Variants in APOB observed in about 807,000 individuals in gnomAD.
The protein encoded by APOB is apolipoprotein B, also known as apolipoprotein B-100.
In APOB, 153 loss-of-function variants were observed where a neutral mutation model predicts 314.1. The ratio of observed to expected loss-of-function variants is 0.49; its 90% CI spans 0.43 to 0.56. The LOEUF is 0.56. Among genes scored for constraint, APOB ranks in the 20% least tolerant of loss-of-function variants. The pLI, the probability that APOB is intolerant of heterozygous loss-of-function variation, is 0.00. For synonymous variants in APOB, 2,087 were observed against 2,036.4 expected (o/e 1.02, Z -0.67); for missense variants, 5,430 against 5,350.7 (o/e 1.01, Z -0.46).
At chr2:21,016,968 A>G (rs1663489256) in intron 20 of APOB, among the ~76,000 whole-genome samples, 1 of 149,918 alleles carries the variant, frequency 6.7e-6, no homozygotes. Flanking sequence ...TGGGCAAAAG[A>G]GCGAGACTCC....
chr2:21,002,774 A>C lies in APOB; in HGVS notation c.12648T>G (p.Leu4216=). Residue 4216 remains leucine (L), a synonymous_variant, in exon 29 of 29, where the codon CTT becomes CTG. Coordinates refer to ENST00000233242, the MANE Select transcript of APOB (RefSeq NM_000384.3). ...GKPGIYTREE[L]CTMFIREVGT... The stretch of plus-strand genomic sequence containing the variant: ...CTACCTCCCTTATGAACATAGTGCA[A>C]AGTTCCTCCCTAGTGTATATCCCAG... 1 of 1,608,258 alleles carries C rather than the reference A, an allele frequency of 6.2e-7. No individual in the cohort carries two copies. Among genetic ancestry groups the C allele is most frequent in the Non-Finnish European group, 8.5e-7 (1 of 1,176,348 alleles).
Position 21,011,285 on chromosome 2 carries a change from A to G in APOB, c.5583T>C (p.Gly1861=). ...YKADTVAKVQ[G]VEFSHRLNTD... ...TGTTGAGCCGATGGCTAAACTCCACACCCTGAACCTTAGCAACAGTGTCTG... is the reference window on the plus strand; with the variant it reads ...TGTTGAGCCGATGGCTAAACTCCACGCCCTGAACCTTAGCAACAGTGTCTG... The change falls in exon 26 of 29, where the codon GGT becomes GGC. Residue 1861 remains glycine, a synonymous_variant. Transcript: ENST00000233242. 1 of 1,614,172 alleles carries G rather than the reference A, an allele frequency of 6.2e-7. No individual in the cohort carries two copies. Among genetic ancestry groups the G allele is most frequent in the East Asian group, 2.2e-5 (1 of 44,876 alleles).
chr2:21,029,994 T>G lies in APOB; in HGVS notation c.1374A>C (p.Thr458=). The G allele has an allele frequency of 6.2e-7, 1 of 1,612,754 alleles. No individual in the cohort carries two copies. The highest frequency in any genetic ancestry group is 1.1e-5 in the South Asian group (1 of 91,056). Residue 458 remains threonine (T), a synonymous_variant, in exon 11 of 29, where the codon ACA becomes ACC. Transcript: ENST00000233242. The stretch of plus-strand genomic sequence containing the variant: ...CAATGTCCAGCAGCTCCTGGGTCCC[T>G]GTAGGGTTTGTCTTATGATAGCTAC... ...AVNNYHKTNP[T]GTQELLDIAN... is the part of the protein sequence containing the mutation.
At position 21,015,298 on chromosome 2, in the gene APOB, T is replaced by A. The variant is rs753373200; in HGVS notation, c.3509-38A>T. The stretch of plus-strand genomic sequence containing the variant: ...AGGAAATAGTTGTGAATGGTACTAG[T>A]TCAGCCTGTAACCACAGGTCTCAAC... On this transcript the variant is annotated intron_variant, in intron 22 of 28. Transcript: ENST00000233242. The A allele has an allele frequency of 8.1e-6, 13 of 1,613,270 alleles. No homozygotes were observed. The East Asian group carries it at 2.9e-4, about 36-fold the overall frequency.
rs200759464 is a variant in APOB, at chr2:21,009,627, T to A, written c.7241A>T (p.Glu2414Val). ...LNELSFKTFI[E>V]DVNKFLDMLI... is the part of the protein sequence containing the mutation. The stretch of plus-strand genomic sequence containing the variant: ...CATGTCAAGGAATTTGTTAACATCT[T>A]CAATGAATGTTTTAAAAGATAATTC... The change falls in exon 26 of 29, where the codon GAA (glutamate) becomes GTA (valine). Residue 2414 changes from glutamate to valine, a missense_variant. Physicochemically the swap from Glu to Val is moderately radical, Grantham distance 121. This residue lies in a region of APOB where 3,281 missense variants were observed against 3,171.0 expected (regional missense o/e 1.03). Transcript: ENST00000233242. 12 of 1,613,858 alleles carry A rather than the reference T, an allele frequency of 7.4e-6. No homozygotes were observed. In the South Asian group the frequency reaches 7.7e-5, roughly 10 times the overall value.
rs1230455602 is a variant in APOB, at chr2:21,044,014, C to T, written c.-69G>A. 11 of 841,386 alleles carry T rather than the reference C, an allele frequency of 1.3e-5. No homozygotes were observed. Among genetic ancestry groups the T allele is most frequent in the African/African-American group, 1.8e-5 (1 of 55,694 alleles). The allele number at this position is 841,386 out of a possible 1,614,324, so 52.1% of individuals were successfully genotyped here. On this transcript the variant is annotated 5_prime_UTR_variant, in exon 1 of 29. Transcript: ENST00000233242. ...GGCCTCGCGGCCCTGGCTGGCTGGG[C>T]GGGCTCCTCAGCGGCAGCAACCGAG...
chr2:21,005,694 A>T lies in APOB; in HGVS notation c.11174T>A (p.Val3725Asp). The T allele has an allele frequency of 3.1e-6, 5 of 1,613,944 alleles. No homozygotes were observed. The highest frequency in any genetic ancestry group is 4.2e-6 in the Non-Finnish European group (5 of 1,179,962). Residue 3725 changes from valine to aspartate, a missense_variant, in exon 26 of 29, where the codon GTT becomes GAT. Val to Asp is a radical substitution (Grantham distance 152). This residue lies in a region of APOB where 3,281 missense variants were observed against 3,171.0 expected (regional missense o/e 1.03). Transcript: ENST00000233242. ...NGYSFSIPVK[V>D]LADKFIIPGL... The stretch of plus-strand genomic sequence containing the variant: ...AGGAATAATGAATTTATCAGCCAAA[A>T]CTTTTACAGGGATGGAGAATGAATA...
chr2:21,016,606 C>T lies in APOB; in HGVS notation c.3165G>A (p.Arg1055=), dbSNP rs748079943. The T allele has an allele frequency of 6.2e-7, 1 of 1,612,108 alleles. No individual in the cohort carries two copies. Among genetic ancestry groups the T allele is most frequent in the Admixed American group, 1.7e-5 (1 of 60,014 alleles). ...CTTCACTGGACAAGGTCATACTCTGCCGATTATATTTGAATGTCATGGTAG... is the reference window on the plus strand; with the variant it reads ...CTTCACTGGACAAGGTCATACTCTGTCGATTATATTTGAATGTCATGGTAG... ...TEATMTFKYN[R]QSMTLSSEVQ... The change falls in exon 21 of 29, where the codon CGG becomes CGA. Residue 1055 remains arginine, a synonymous_variant. Transcript: ENST00000233242.
chr2:21,010,784 A>T lies in APOB; in HGVS notation c.6084T>A (p.Leu2028=). The T allele has an allele frequency of 6.2e-7, 1 of 1,614,148 alleles. No individual in the cohort carries two copies. The highest frequency in any genetic ancestry group is 8.5e-7 in the Non-Finnish European group (1 of 1,180,012). Residue 2028 remains leucine, a synonymous_variant, in exon 26 of 29, where the codon CTT becomes CTA. Transcript: ENST00000233242. ...TLLDSPIKVP[L]LLSEPINIID... Reference sequence around the variant, plus strand: ...TGATATTGATGGGCTCACTGAGTAAAAGTGGCACTTTAATTGGGGAGTCTA... The same window carrying T: ...TGATATTGATGGGCTCACTGAGTAATAGTGGCACTTTAATTGGGGAGTCTA...
At position 21,010,185 on chromosome 2, in the gene APOB, T is replaced by C; in HGVS notation, c.6683A>G (p.Asp2228Gly). Reference protein sequence around the residue: ...IRVNLVKTIHDLHLFIENIDF... With the variant: ...IRVNLVKTIHGLHLFIENIDF... The stretch of plus-strand genomic sequence containing the variant: ...AATATTTTCAATAAACAAATGTAGA[T>C]CATGGATTGTTTTTACTAAATTTAC... Residue 2228 changes from aspartate to glycine, a missense_variant, in exon 26 of 29, where the codon GAT becomes GGT. By Grantham distance (94) the Asp-to-Gly change is moderately conservative. Coordinates refer to ENST00000233242, the MANE Select transcript of APOB (RefSeq NM_000384.3). 6.3e-7 allele frequency: 1 copy of C among 1,597,230 alleles called. No individual in the cohort carries two copies. The highest frequency in any genetic ancestry group is 8.6e-7 in the Non-Finnish European group (1 of 1,168,450).
chr2:21,022,688 C>G, intron 18 of APOB, 143 bp downstream of exon 18: 3 of 736,228 alleles, frequency 4.1e-6, no homozygotes, highest in Admixed American at 4.3e-5. Context: ...AATAGGTAAC[C>G]CGGAATCTTT....
chr2:21,016,025 T>G (rs497166), intron 21 of APOB, among the ~76,000 whole-genome samples: 1 of 152,142 alleles, frequency 6.6e-6, no homozygotes, highest in South Asian at 2.1e-4. Context: ...TGCAGTGGCT[T>G]ACACCTGTAA....
At position 21,035,321 on chromosome 2, in the gene APOB, A is replaced by G. The variant is rs548665246; in HGVS notation, c.818+263T>C. ...ACCTTTTCTAACCAGGGTACCCTGC[A>G]GTGATCCTCAGGTTTTCTGGATCTA... On this transcript the variant is annotated intron_variant, in intron 7 of 28. Coordinates refer to ENST00000233242, the MANE Select transcript of APOB (RefSeq NM_000384.3). 5.9e-5 allele frequency among the ~76,000 whole-genome samples: 9 copies of G among 152,330 alleles called. No homozygotes were observed. In the South Asian group the frequency reaches 1.9e-3, roughly 32 times the overall value.
At chr2:21,040,025 G>C (rs188841902) in intron 4 of APOB, among the ~76,000 whole-genome samples, 4 of 152,088 alleles carry the variant, frequency 2.6e-5, no homozygotes, top group South Asian at 2.1e-4. Flanking sequence ...GGAGGGACCC[G>C]GGGGGAGGTG....
In APOB at chr2:21,001,832, T is replaced by C. The variant is rs1208833496; in HGVS notation, c.13590A>G (p.Thr4530=). ...LIDLSIQNYH[T]FLIYITELLK... ...GTAACTCCGTGATGTATATCAGAAA[T>C]GTGTGGTAGTTTTGAATGGACAGGT... The change falls in exon 29 of 29, where the codon ACA becomes ACG. Residue 4530 remains threonine (T), a synonymous_variant. Coordinates refer to ENST00000233242, the MANE Select transcript of APOB (RefSeq NM_000384.3). 5.6e-6 allele frequency: 9 copies of C among 1,613,944 alleles called. No homozygotes were observed. The highest frequency in any genetic ancestry group is 1.7e-5 in the Admixed American group (1 of 60,000).
intron 20 of APOB, 110 bp from the exon 21 acceptor site, chr2:21,016,759 C>A (rs1170462426): frequency 2.7e-6 from 2 of 743,942 alleles, no homozygotes; most frequent in Admixed American, 3.8e-5. Context: ...CCAAGGCGGG[C>A]AGATCATGAG....
Position 21,016,580 on chromosome 2 carries a change from A to G in APOB, c.3191T>C (p.Val1064Ala), listed in dbSNP as rs778458538. 1 of 1,612,072 alleles carries G rather than the reference A, an allele frequency of 6.2e-7. No individual in the cohort carries two copies. Among genetic ancestry groups the G allele is most frequent in the South Asian group, 1.1e-5 (1 of 91,042 alleles). ...NRQSMTLSSEVQIPDFDVDLG... is the reference protein window; with the variant it reads ...NRQSMTLSSEAQIPDFDVDLG... ...GTCAACATCAAAATCCGGAATTTGG[A>G]CTTCACTGGACAAGGTCATACTCTG... is the stretch of plus-strand genomic sequence containing the variant. The change falls in exon 21 of 29, where the codon GTC (valine) becomes GCC (alanine). Residue 1064 changes from valine (V) to alanine (A), a missense_variant. Physicochemically the swap from Val to Ala is moderately conservative, Grantham distance 64. Transcript: ENST00000233242.
At chr2:21,015,029 G>T in intron 23 of APOB, 44 bp downstream of exon 23, 1 of 1,549,822 alleles carries the variant, frequency 6.5e-7, no homozygotes, top group South Asian at 1.1e-5. Flanking sequence ...GATGTAATTA[G>T]CACTTATATC....
At chr2:21,038,136 G>T in intron 4 of APOB, 25 bp from the exon 5 acceptor site, 1 of 1,612,996 alleles carries the variant, frequency 6.2e-7, no homozygotes, top group Non-Finnish European at 8.5e-7. Context: ...GGATGGTCAC[G>T]GAAATGTCCT....
Sources: gnomAD v4.1 joint callset for allele counts (sites outside exome capture counted in the v4.1 genomes callset) on GRCh38, gnomAD v4.1.1 for gene constraint, gnomAD v4.1.1 regional missense constraint, MANE v1.5 for transcripts, NCBI Gene and HGNC (gene_info 2026-07-23, HGNC 2026-07-21) for gene names.